The following PPP4R2 variants were observed in gnomAD, a reference collection of about 807,000 sequenced individuals.
The protein encoded by PPP4R2 is protein phosphatase 4 regulatory subunit 2, also known as serine/threonine-protein phosphatase 4 regulatory subunit 2.
A neutral mutation model predicts 47.2 loss-of-function variants in PPP4R2; 13 were observed. The ratio of observed to expected loss-of-function variants is 0.28; its 90% CI spans 0.18 to 0.44. The LOEUF (loss-of-function observed/expected upper bound fraction) is 0.44, where lower values mean the gene tolerates loss of function less well. PPP4R2 is among the 20% of genes least tolerant of loss of function. PPP4R2 has a pLI of 1.00. For synonymous variants in PPP4R2, 151 were observed against 163.3 expected (o/e 0.92, Z 0.57); for missense variants, 421 against 491.2 (o/e 0.86, Z 1.35).
At chr3:73,008,132 G>A (rs906395656) in intron 2 of PPP4R2, among the ~76,000 whole-genome samples, 26 of 140,904 alleles carry the variant, frequency 1.8e-4, no homozygotes, top group East Asian at 6.3e-4. Flanking sequence ...TAGTGGTTAC[G>A]TTTTCTGAGT....
rs1575898599 is a variant in PPP4R2 at position 73,067,850 on chromosome 3, A to G, written c.*2128A>G. On this transcript the variant is annotated 3_prime_UTR_variant, in exon 9 of 9. Coordinates refer to ENST00000356692, the MANE Select transcript of PPP4R2 (RefSeq NM_174907.4). ...GTATTTCTTTATTAAATAAAGTACA[A>G]TAATGGTGAATGTACCAAAATGACA... The G allele has an allele frequency of 6.6e-6, 1 of 152,354 alleles. No homozygotes were observed. The highest frequency in any genetic ancestry group is 1.5e-5 in the Non-Finnish European group (1 of 68,020). 9.4% of individuals were successfully genotyped at this position (152,354 alleles called of 1,614,324 possible). A position where few individuals can be genotyped will look rare whatever the true frequency, so the allele number is the denominator to read the frequency against.
chr3:73,039,766 G>A (rs887281692), intron 2 of PPP4R2, among the ~76,000 whole-genome samples: 6 of 152,102 alleles, frequency 3.9e-5, no homozygotes, highest in Non-Finnish European at 8.8e-5. Flanking sequence ...GAAAATGTCA[G>A]CAGTGGCCGG....
At chr3:73,028,565 C>T (rs1050162960) in intron 2 of PPP4R2, among the ~76,000 whole-genome samples, 1 of 152,044 alleles carries the variant, frequency 6.6e-6, no homozygotes, top group Admixed American at 6.5e-5. Flanking sequence ...CTCAGCCTCC[C>T]GAGTAGCTGG....
chr3:73,057,623 A>G lies in PPP4R2; in HGVS notation c.288-1414A>G, dbSNP rs896561773. On this transcript the variant is annotated intron_variant, in intron 3 of 8. Transcript: ENST00000356692. Reference sequence around the variant, plus strand: ...TTTATCTAAAAACATTTGTTCTCATATGAATAACATGCACTTTAAGCACTT... The same window carrying G: ...TTTATCTAAAAACATTTGTTCTCATGTGAATAACATGCACTTTAAGCACTT... 6.6e-5 allele frequency among the ~76,000 whole-genome samples: 10 copies of G among 152,284 alleles called. 1 individual carries two copies. Among genetic ancestry groups the G allele is most frequent in the Admixed American group, 2.6e-4 (4 of 15,302 alleles).
chr3:73,066,262 A>ATAT lies in PPP4R2; in HGVS notation c.*540_*541insTAT, dbSNP rs1702995053. 1 of 143,948 alleles carries ATAT rather than the reference A, an allele frequency of 6.9e-6. No homozygotes were observed. The highest frequency in any genetic ancestry group is 6.9e-5 in the Admixed American group (1 of 14,404). 8.9% of individuals were successfully genotyped at this position (143,948 alleles called of 1,614,324 possible). The stretch of plus-strand genomic sequence containing the variant: ...TACATATATATATATATATATATAT[A>ATAT]ATTCTAAGGGGGGAAATGTTATATT... On this transcript the variant is annotated 3_prime_UTR_variant, in exon 9 of 9. Coordinates refer to ENST00000356692, the MANE Select transcript of PPP4R2 (RefSeq NM_174907.4).
chr3:73,019,119 C>T (rs1315117089), intron 2 of PPP4R2, among the ~76,000 whole-genome samples: 1 of 152,138 alleles, frequency 6.6e-6, no homozygotes, highest in Non-Finnish European at 1.5e-5. Flanking sequence ...TGTACTTTTT[C>T]TATTTTACCT....
chr3:73,012,972 G>A (rs895245656), intron 2 of PPP4R2, among the ~76,000 whole-genome samples: 8 of 144,282 alleles, frequency 5.5e-5, no homozygotes, highest in African/African-American at 1.8e-4. Context: ...TTTCATGTTT[G>A]TAGGGTCATT....
chr3:72,998,809 T>G (rs561296173), intron 2 of PPP4R2, among the ~76,000 whole-genome samples: 3 of 152,240 alleles, frequency 2.0e-5, no homozygotes, highest in Non-Finnish European at 4.4e-5. Flanking sequence ...GGTCATTGTT[T>G]TGCAGTTTGT....
At chr3:73,021,857 TG>T (rs1701966204) in intron 2 of PPP4R2, among the ~76,000 whole-genome samples, 2 of 137,798 alleles carry the variant, frequency 1.5e-5, no homozygotes, top group Admixed American at 7.8e-5. Context: ...TATGTGTGTG[TG>T]TGTGTGTGTG....
At chr3:73,064,709 C>A in intron 7 of PPP4R2, 143 bp from the exon 8 acceptor site, 1 of 734,268 alleles carries the variant, frequency 1.4e-6, no homozygotes, top group Non-Finnish European at 2.3e-6. Context: ...TGAAATTATT[C>A]TCTTGTGTTT....
chr3:73,047,475 C>T, intron 3 of PPP4R2, 119 bp downstream of exon 3: 1 of 613,672 alleles, frequency 1.6e-6, no homozygotes, highest in African/African-American at 1.9e-5. Flanking sequence ...TTCCTTGTTT[C>T]TAGTGACATG....
At chr3:73,021,750 A>G (rs756130540) in intron 2 of PPP4R2, among the ~76,000 whole-genome samples, 4 of 151,976 alleles carry the variant, frequency 2.6e-5, no homozygotes, top group Non-Finnish European at 4.4e-5. Flanking sequence ...TTCTGTTCCA[A>G]GTACTGCGCT....
chr3:73,039,826 C>T (rs558705210), intron 2 of PPP4R2, among the ~76,000 whole-genome samples: 3 of 152,182 alleles, frequency 2.0e-5, no homozygotes, highest in South Asian at 2.1e-4. Context: ...GCCAAGGCGG[C>T]GAATCACCTG....
chr3:72,997,582 C>T (rs1486335277), intron 1 of PPP4R2, among the ~76,000 whole-genome samples: 1 of 152,164 alleles, frequency 6.6e-6, no homozygotes, highest in African/African-American at 2.4e-5. Context: ...TGATTGCACG[C>T]CTTCCACGCA....
intron 2 of PPP4R2, among the ~76,000 whole-genome samples, chr3:73,045,207 T>C (rs1055416522): frequency 6.6e-6 from 1 of 152,204 alleles, no homozygotes; most frequent in African/African-American, 2.4e-5. Flanking sequence ...TATTGCTGTT[T>C]GCCCAGGCTG....
chr3:73,050,538 T>A (rs1190957252), intron 3 of PPP4R2, among the ~76,000 whole-genome samples: 1 of 152,174 alleles, frequency 6.6e-6, no homozygotes, highest in Admixed American at 6.5e-5. Flanking sequence ...TCCATTCTTA[T>A]ACACTCCTCC....
intron 5 of PPP4R2, chr3:73,062,538 G>T: frequency 6.2e-7 from 1 of 1,613,972 alleles, no homozygotes. Context: ...TAATACTGTG[G>T]TTGGGAATGA....
chr3:73,063,924 G>C, intron 6 of PPP4R2, 79 bp from the exon 7 acceptor site: 1 of 1,324,812 alleles, frequency 7.5e-7, no homozygotes, highest in Non-Finnish European at 1.1e-6. Context: ...ATACTTCTGT[G>C]ATGTATTCAC....
chr3:73,055,350 C>T (rs1018243496), intron 3 of PPP4R2, among the ~76,000 whole-genome samples: 3 of 151,482 alleles, frequency 2.0e-5, no homozygotes, highest in African/African-American at 7.3e-5. Context: ...TGTTTTCAGA[C>T]AAGACCCATG....
Sources: allele counts gnomAD v4.1 joint callset (sites outside exome capture counted in the v4.1 genomes callset), GRCh38; gene constraint gnomAD v4.1.1; transcripts MANE v1.5; gene names NCBI Gene and HGNC (gene_info 2026-07-23, HGNC 2026-07-21).